CABIN1: variants seen among roughly 807,000 people sequenced by gnomAD.
The protein encoded by CABIN1 is calcineurin binding protein 1, also known as calcineurin-binding protein cabin-1.
Under a neutral mutation model 227.7 loss-of-function variants are expected in CABIN1, and 133 were observed. The ratio of observed to expected loss-of-function variants is 0.58; its 90% confidence interval spans 0.51 to 0.67. CABIN1 has a LOEUF of 0.67. CABIN1 is among the 30% of genes least tolerant of loss of function. CABIN1 has a pLI of 0.00. For synonymous variants in CABIN1, 1,086 were observed against 1,155.1 expected, an observed-to-expected ratio of 0.94 and a Z score of 1.21; for missense variants, 2,408 against 2,852.5, an observed-to-expected ratio of 0.84 and a Z score of 3.55.
Position 24,042,941 on chromosome 22 carries a change from A to G in CABIN1, c.383A>G (p.Tyr128Cys), listed in dbSNP as rs2037541628. Residue 128 changes from tyrosine to cysteine, a missense_variant, in exon 6 of 37, where the codon TAT becomes TGT. Transcript: ENST00000263119. ...GACTCCACAGATGTCAACCTCTGGT[A>G]TAAGATTGGACATGTGGCCCTGAGG... ...MLDSTDVNLW[Y>C]KIGHVALRLI... The G allele has an allele frequency of 6.2e-7, 1 of 1,610,944 alleles. No homozygotes were observed. The highest frequency in any genetic ancestry group is 1.1e-5 in the South Asian group (1 of 90,996).
At chr22:24,013,197 CT>C (rs35584227) in intron 1 of CABIN1, among the ~76,000 whole-genome samples, 19 of 113,496 alleles carry the variant, frequency 1.7e-4, no homozygotes, top group East Asian at 2.5e-4. Context: ...TCTTTTTAAG[CT>C]TTTTTTTTTT....
In CABIN1 at chr22:24,059,909, T is replaced by C; in HGVS notation, c.1400-15T>C. The C allele has an allele frequency of 6.2e-7, 1 of 1,613,148 alleles. No homozygotes were observed. ...ACTCTTTATTCAAGTCAGGTTGTTC[T>C]TGCTCCCCGGGCAGAAAAGCAGGAC... On this transcript the variant is annotated splice_polypyrimidine_tract_variant and intron_variant, in intron 11 of 36. Transcript: ENST00000263119.
chr22:24,028,185 A>G (rs969085783), intron 1 of CABIN1, among the ~76,000 whole-genome samples: 2 of 152,252 alleles, frequency 1.3e-5, no homozygotes, highest in African/African-American at 2.4e-5. Flanking sequence ...ATGCTGACAC[A>G]GAAACCCAAA....
At chr22:24,060,891 C>T (rs1009670344) in intron 12 of CABIN1, among the ~76,000 whole-genome samples, 1 of 151,690 alleles carries the variant, frequency 6.6e-6, no homozygotes, top group Non-Finnish European at 1.5e-5. Context: ...CAAGGCGAGA[C>T]TCTTGTCTCA....
At position 24,096,064 on chromosome 22, in the gene CABIN1, C is replaced by A. The variant is rs1282737635; in HGVS notation, c.3920C>A (p.Thr1307Lys). ...GPFARGEEKN[T>K]PKASEKEKAC... Reference sequence around the variant, plus strand: ...TTTGCCAGGGGCGAGGAGAAGAACACACCCAAAGCTTCAGAAAAGTGAGTA... The same window carrying A: ...TTTGCCAGGGGCGAGGAGAAGAACAAACCCAAAGCTTCAGAAAAGTGAGTA... Residue 1307 changes from threonine (T) to lysine (K), a missense_variant, in exon 25 of 37, where the codon ACA becomes AAA. Transcript: ENST00000263119. The A allele has an allele frequency of 1.9e-6, 3 of 1,614,196 alleles. No homozygotes were observed. The highest frequency in any genetic ancestry group is 1.7e-6 in the Non-Finnish European group (2 of 1,180,028).
intron 26 of CABIN1, among the ~76,000 whole-genome samples, chr22:24,112,209 A>G (rs1310869859): frequency 6.6e-6 from 1 of 152,232 alleles, no homozygotes; most frequent in Non-Finnish European, 1.5e-5. Flanking sequence ...CGTGTAGGAC[A>G]GAAGAAACTG....
chr22:24,061,827 T>A, intron 12 of CABIN1, 120 bp from the exon 13 acceptor site: 1 of 750,140 alleles, frequency 1.3e-6, no homozygotes, highest in Admixed American at 2.0e-5. Context: ...GGCAAGTGGA[T>A]AGAAAGAATT....
intron 28 of CABIN1, among the ~76,000 whole-genome samples, chr22:24,123,177 T>C (rs1178682696): frequency 1.3e-5 from 2 of 152,196 alleles, no homozygotes; most frequent in Non-Finnish European, 2.9e-5. Flanking sequence ...TGCCTTGGGC[T>C]GTCTGCACCA....
At chr22:24,146,199 A>G (rs753167406) in intron 29 of CABIN1, among the ~76,000 whole-genome samples, 2 of 152,262 alleles carry the variant, frequency 1.3e-5, no homozygotes, top group African/African-American at 2.4e-5. Context: ...CTGCACTAGC[A>G]CTATTTTTAG....
intron 29 of CABIN1, among the ~76,000 whole-genome samples, chr22:24,139,367 A>G (rs1050240727): frequency 2.6e-5 from 4 of 152,258 alleles, no homozygotes; most frequent in African/African-American, 9.6e-5. Flanking sequence ...CTGAGGTCAG[A>G]AGTTCGAGAC....
In CABIN1 at chr22:24,177,911, G is replaced by C. The variant is rs2047206363; in HGVS notation, c.6519+94G>C. On this transcript the variant is annotated intron_variant, in intron 36 of 36. Coordinates refer to ENST00000263119, the MANE Select transcript of CABIN1 (RefSeq NM_012295.4). This position sits in a 1 kb window ranked among gnomAD's most constrained non-coding sequence, Gnocchi z 4.4. ...GGGGGTGGGGGTGGCAGGAGGGCCT[G>C]GGGTGTGGGTGAGGATGGCATAGGG... The C allele has an allele frequency of 6.6e-7, 1 of 1,516,222 alleles. No homozygotes were observed. The highest frequency in any genetic ancestry group is 1.4e-5 in the African/African-American group (1 of 72,758). 93.9% of individuals were successfully genotyped at this position (1,516,222 alleles called of 1,614,324 possible). A position where few individuals can be genotyped will look rare whatever the true frequency, so the allele number is the denominator to read the frequency against.
chr22:24,122,618 G>A (rs1048648940), intron 28 of CABIN1, among the ~76,000 whole-genome samples: 7 of 152,050 alleles, frequency 4.6e-5, no homozygotes, highest in Non-Finnish European at 1.0e-4. Context: ...TGAGGCAGGA[G>A]AATCGCTTGA....
rs149743427 is a variant in CABIN1, at chr22:24,170,887, G to C, written c.5758-826G>C. On this transcript the variant is annotated intron_variant, in intron 33 of 36. Coordinates refer to ENST00000263119, the MANE Select transcript of CABIN1 (RefSeq NM_012295.4). ...CACAGTACAGTCAGCCTGGTGCTGG[G>C]GAGGGTTGAAGGGTGGACCCACTCC... Among the ~76,000 whole-genome samples the C allele has an allele frequency of 3.0e-3, 451 of 152,244 alleles. 6 individuals carry two copies. The highest frequency in any genetic ancestry group is 0.01 in the African/African-American group (426 of 41,544).
intron 24 of CABIN1, among the ~76,000 whole-genome samples, chr22:24,095,029 A>G (rs1415646582): frequency 6.6e-6 from 1 of 152,176 alleles, no homozygotes; most frequent in Non-Finnish European, 1.5e-5. Flanking sequence ...GGTTTCCTAC[A>G]TCTAAAAATG....
intron 29 of CABIN1, among the ~76,000 whole-genome samples, chr22:24,151,099 C>A (rs1015494775): frequency 3.1e-4 from 47 of 152,136 alleles, no homozygotes; most frequent in Non-Finnish European, 5.9e-4. Context: ...ACTTGGGAAC[C>A]CGAACGCCCT....
intron 16 of CABIN1, among the ~76,000 whole-genome samples, chr22:24,067,900 T>G (rs2039803747): frequency 6.6e-6 from 1 of 152,024 alleles, no homozygotes; most frequent in Non-Finnish European, 1.5e-5. Flanking sequence ...CTCAGGAGGG[T>G]TGAGTTGGCA....
At position 24,177,198 on chromosome 22, in the gene CABIN1, A is replaced by G. The variant is rs908304845; in HGVS notation, c.6206-306A>G. Among the ~76,000 whole-genome samples the G allele has an allele frequency of 6.6e-6, 1 of 152,232 alleles. No individual in the cohort carries two copies. Among genetic ancestry groups the G allele is most frequent in the African/African-American group, 2.4e-5 (1 of 41,448 alleles). Reference sequence around the variant, plus strand: ...GTTGTGGAAATACGACAGTTCATGCAAGCATGATGCCTGGAGGTCTTACAG... The same window carrying G: ...GTTGTGGAAATACGACAGTTCATGCGAGCATGATGCCTGGAGGTCTTACAG... On this transcript the variant is annotated intron_variant, in intron 35 of 36. Coordinates refer to ENST00000263119, the MANE Select transcript of CABIN1 (RefSeq NM_012295.4). The surrounding 1 kb of genome is among the most constrained non-coding windows in gnomAD (Gnocchi z 4.4).
intron 25 of CABIN1, among the ~76,000 whole-genome samples, chr22:24,097,720 T>C (rs1569210660): frequency 6.6e-6 from 1 of 152,196 alleles, no homozygotes; most frequent in Admixed American, 6.5e-5. Context: ...GATGCAAGGG[T>C]GCTTCTGAAG....
chr22:24,038,683 T>TGTAA (rs2037121174), intron 4 of CABIN1, among the ~76,000 whole-genome samples: 1 of 152,200 alleles, frequency 6.6e-6, no homozygotes, highest in Admixed American at 6.5e-5. Flanking sequence ...TGATTCCTGG[T>TGTAA]GTAAGTGCTT....
Sources: allele counts gnomAD v4.1 joint callset (sites outside exome capture counted in the v4.1 genomes callset), GRCh38; gene constraint gnomAD v4.1.1; non-coding constraint Gnocchi (gnomAD v3.1); transcripts MANE v1.5; gene names NCBI Gene and HGNC (gene_info 2026-07-23, HGNC 2026-07-21).